The following CLASP1 variants were observed in gnomAD, a reference collection of about 807,000 sequenced individuals.
The protein encoded by CLASP1 is CLIP-associating protein 1.
CLASP1 carries 38 observed loss-of-function variants against 192.3 expected under a neutral mutation model. The observed-to-expected ratio is 0.20, with a 90% confidence interval of 0.15 to 0.26. The LOEUF (loss-of-function observed/expected upper bound fraction) is 0.26, where lower values mean the gene tolerates loss of function less well. Ranked by LOEUF, CLASP1 falls within the 10% of genes least tolerant of loss-of-function variation. The pLI, the probability that CLASP1 is intolerant of heterozygous loss-of-function variation, is 1.00. For missense variants in CLASP1, 1,433 were observed against 1,932.5 expected (o/e 0.74, Z 4.85); for synonymous variants, 691 against 712.8 (o/e 0.97, Z 0.49).
At chr2:121,367,693 C>G in exon 35 of CLASP1, 1 of 1,614,010 alleles carries the variant, frequency 6.2e-7, no homozygotes, top group South Asian at 1.1e-5. Flanking sequence ...TAGTCTCGCG[C>G]CCGCGGCCCC....
intron 8 of CLASP1, among the ~76,000 whole-genome samples, chr2:121,478,563 T>C (rs2091931219): frequency 6.8e-6 from 1 of 147,592 alleles, no homozygotes; most frequent in Non-Finnish European, 1.5e-5. Flanking sequence ...ATTGCGCCAC[T>C]GCACTCCAGC....
intron 8 of CLASP1, among the ~76,000 whole-genome samples, chr2:121,487,137 C>G (rs2093026764): frequency 6.6e-6 from 1 of 152,134 alleles, no homozygotes; most frequent in Admixed American, 6.5e-5. Context: ...CTATCTCCCA[C>G]CAGGTCTTTC....
intron 2 of CLASP1, chr2:121,531,153 A>C (rs774961227): frequency 3.3e-6 from 2 of 613,130 alleles, no homozygotes; most frequent in Non-Finnish European, 3.0e-6. Flanking sequence ...TGCGGTGATT[A>C]AACGGGAAGG....
intron 23 of CLASP1, among the ~76,000 whole-genome samples, chr2:121,416,171 T>TA (rs1055024367): frequency 6.6e-5 from 10 of 151,990 alleles, no homozygotes; most frequent in Middle Eastern, 3.2e-3. Flanking sequence ...CAGAATATTC[T>TA]AAAAAAAATC....
intron 8 of CLASP1, 26 bp from the exon 9 acceptor site, chr2:121,469,986 G>A (rs777361973): frequency 1.1e-5 from 17 of 1,579,902 alleles, no homozygotes; most frequent in Middle Eastern, 1.7e-4. Context: ...AGAAACCAAC[G>A]TTTTTTTAAA....
chr2:121,450,191 C>T (rs1283035701), intron 16 of CLASP1, among the ~76,000 whole-genome samples: 2 of 151,938 alleles, frequency 1.3e-5, no homozygotes, highest in Admixed American at 6.6e-5. Context: ...ATTAGCCAGG[C>T]GTGAGGGCAG....
intron 6 of CLASP1, among the ~76,000 whole-genome samples, chr2:121,518,264 A>G (rs1209480944): frequency 6.7e-6 from 1 of 149,750 alleles, no homozygotes; most frequent in Non-Finnish European, 1.5e-5. Context: ...AAAGGAGGCA[A>G]TTAAGGTTAA....
chr2:121,435,518 C>T (rs1161660536), intron 19 of CLASP1, among the ~76,000 whole-genome samples: 4 of 152,202 alleles, frequency 2.6e-5, no homozygotes, highest in Non-Finnish European at 1.5e-5. Flanking sequence ...AGGTGATCTG[C>T]CCGCCTCAGC....
chr2:121,484,921 ATGAATAAAAC>A (rs1341436380), intron 8 of CLASP1, among the ~76,000 whole-genome samples: 1 of 152,242 alleles, frequency 6.6e-6, no homozygotes, highest in African/African-American at 2.4e-5. Context: ...GGAATACAGT[ATGAATAAAAC>A]ATTCATGCTA....
chr2:121,544,735 T>A (rs1370385856), intron 2 of CLASP1, among the ~76,000 whole-genome samples: 2 of 143,428 alleles, frequency 1.4e-5, no homozygotes, highest in African/African-American at 4.9e-5. Context: ...CAAAAAGAAC[T>A]GGGTCAGTAA....
chr2:121,584,330 C>T (rs985897903), intron 2 of CLASP1, among the ~76,000 whole-genome samples: 19 of 152,176 alleles, frequency 1.2e-4, no homozygotes, highest in African/African-American at 4.3e-4. Flanking sequence ...TCTCTATGAT[C>T]AGTTTTATGC....
intron 22 of CLASP1, among the ~76,000 whole-genome samples, chr2:121,419,995 A>G (rs2079218283): frequency 6.6e-6 from 1 of 152,166 alleles, no homozygotes; most frequent in African/African-American, 2.4e-5. Flanking sequence ...CCAGAACCAT[A>G]ACACTCCCTG....
At position 121,617,926 on chromosome 2, in the gene CLASP1, T is replaced by C. The variant is rs148153816; in HGVS notation, c.-285-11746A>G. On this transcript the variant is annotated intron_variant, in intron 1 of 39. Transcript: ENST00000263710. ...GGCCTCCTTTTGGTTCCAAACTCTT[T>C]ACTACTTCAGGGCTTTTGCTTATGT... Among the ~76,000 whole-genome samples the C allele has an allele frequency of 4.4e-3, 664 of 152,318 alleles. 2 individuals are homozygous for C. Among genetic ancestry groups the C allele is most frequent in the Middle Eastern group, 0.017 (5 of 294 alleles).
At chr2:121,397,967 AAG>A (rs1426476832) in intron 29 of CLASP1, among the ~76,000 whole-genome samples, 1 of 152,228 alleles carries the variant, frequency 6.6e-6, no homozygotes, top group Admixed American at 6.5e-5. Flanking sequence ...CTCTACACAC[AAG>A]AATGTCTTAA....
At chr2:121,571,493 C>T (rs560267789) in intron 2 of CLASP1, among the ~76,000 whole-genome samples, 23 of 152,174 alleles carry the variant, frequency 1.5e-4, no homozygotes, top group Non-Finnish European at 2.8e-4. Flanking sequence ...AAAAATCAAA[C>T]TATGGCCCTC....
At chr2:121,572,944 G>T (rs1040409633) in intron 2 of CLASP1, among the ~76,000 whole-genome samples, 5 of 152,116 alleles carry the variant, frequency 3.3e-5, no homozygotes, top group Non-Finnish European at 7.3e-5. Flanking sequence ...AAATTACTCT[G>T]CAGTGCTCAT....
At chr2:121,588,439 C>A (rs998356645) in intron 2 of CLASP1, among the ~76,000 whole-genome samples, 8 of 152,002 alleles carry the variant, frequency 5.3e-5, no homozygotes, top group Non-Finnish European at 1.5e-5. Flanking sequence ...AAGGATAAAT[C>A]CTCGATTTAA....
intron 9 of CLASP1, among the ~76,000 whole-genome samples, chr2:121,465,418 C>A (rs569554903): frequency 4.5e-4 from 69 of 152,250 alleles, no homozygotes; most frequent in Admixed American, 2.3e-3. Context: ...CTCCCATTCA[C>A]AATTGCTTCA....
Position 121,557,373 on chromosome 2 carries a change from C to G in CLASP1, c.196-27048G>C, listed in dbSNP as rs189540956. 2.2e-3 allele frequency among the ~76,000 whole-genome samples: 328 copies of G among 152,246 alleles called. 1 individual carries two copies. Among genetic ancestry groups the G allele is most frequent in the African/African-American group, 7.5e-3 (311 of 41,542 alleles). On this transcript the variant is annotated intron_variant, in intron 2 of 39. Transcript: ENST00000263710. The stretch of plus-strand genomic sequence containing the variant: ...GGCTGAGGCGGACGGATCACAAGGT[C>G]AGGAGTTCGAGACCAGCCTGGCCAA...
Sources: gnomAD v4.1 joint callset for allele counts (sites outside exome capture counted in the v4.1 genomes callset) on GRCh38, gnomAD v4.1.1 for gene constraint, MANE v1.5 for transcripts, NCBI Gene and HGNC (gene_info 2026-07-23, HGNC 2026-07-21) for gene names.